C11orf54: variants seen among roughly 807,000 people sequenced by gnomAD.
The protein encoded by C11orf54 is beta-keto L-gulonate decarboxylase.
C11orf54 carries 29 observed loss-of-function variants against 35.5 expected under a neutral mutation model. The observed-to-expected ratio is 0.82, with a 90% CI of 0.61 to 1.11. The LOEUF is 1.11. C11orf54 is among the 50% of genes most tolerant of loss of function. The pLI is 0.00. For synonymous variants in C11orf54, 108 were observed against 121.1 expected (o/e 0.89, Z 0.71); for missense variants, 373 against 369.2 (o/e 1.01, Z -0.08).
Position 93,759,863 on chromosome 11 carries a change from G to GTCTGTGTC in C11orf54, c.774+7_774+14dup. 1 of 1,502,866 alleles carries GTCTGTGTC rather than the reference G, an allele frequency of 6.7e-7. No homozygotes were observed. The highest frequency in any genetic ancestry group is 1.4e-5 in the African/African-American group (1 of 72,354). The allele number at this position is 1,502,866 out of a possible 1,614,324, so 93.1% of individuals were successfully genotyped here. Reference sequence around the variant, plus strand: ...GTTTTTGTCTCCAGAGACCCAGTAAGTCTGTGTCTGTTTTTTATATTATAC... The same window carrying GTCTGTGTC: ...GTTTTTGTCTCCAGAGACCCAGTAAGTCTGTGTCTCTGTGTCTGTTTTTTATATTATAC... On this transcript the variant is annotated splice_donor_region_variant and intron_variant, in intron 8 of 8. Coordinates refer to ENST00000354421, the MANE Select transcript of C11orf54 (RefSeq NM_001286069.2).
At chr11:93,753,242 G>A (rs1444570567) in intron 3 of C11orf54, among the ~76,000 whole-genome samples, 2 of 152,178 alleles carry the variant, frequency 1.3e-5, no homozygotes, top group Non-Finnish European at 2.9e-5. Flanking sequence ...CTCCCAAAGT[G>A]CTGGGATTGC....
At chr11:93,749,745 C>G (rs1199143809) in intron 2 of C11orf54, among the ~76,000 whole-genome samples, 1 of 152,168 alleles carries the variant, frequency 6.6e-6, no homozygotes, top group South Asian at 2.1e-4. Context: ...TGAGGTATAA[C>G]TATCTACAGT....
At chr11:93,759,659 T>A (rs970040035) in intron 7 of C11orf54, 83 bp from the exon 8 acceptor site, 1 of 612,034 alleles carries the variant, frequency 1.6e-6, no homozygotes, top group African/African-American at 1.9e-5. Flanking sequence ...ACAATAATAA[T>A]AAATAAGTAA....
At position 93,760,574 on chromosome 11, in the gene C11orf54, T is replaced by G. The variant is rs151173169; in HGVS notation, c.774+716T>G. ...AGGTCTCCTGTCATCTTGTTTGGTG[T>G]TCATTATATTATAATACTATACGCT... is the stretch of plus-strand genomic sequence containing the variant. On this transcript the variant is annotated intron_variant, in intron 8 of 8. Transcript: ENST00000354421. 1.6e-4 allele frequency among the ~76,000 whole-genome samples: 25 copies of G among 152,270 alleles called. No homozygotes were observed. In the East Asian group the frequency reaches 4.8e-3, roughly 29 times the overall value.
intron 3 of C11orf54, among the ~76,000 whole-genome samples, chr11:93,751,754 A>T (rs981033419): frequency 6.6e-6 from 1 of 151,814 alleles, no homozygotes; most frequent in Non-Finnish European, 1.5e-5. Flanking sequence ...CTAATTAAGT[A>T]ATTAACTAAA....
chr11:93,743,088 C>A (rs1312923673), intron 1 of C11orf54, among the ~76,000 whole-genome samples: 1 of 150,674 alleles, frequency 6.6e-6, no homozygotes, highest in Non-Finnish European at 1.5e-5. Context: ...GCAACCCCCA[C>A]CTCCCGGGCT....
chr11:93,761,645 G>A lies in C11orf54; in HGVS notation c.905G>A (p.Arg302His), dbSNP rs148498341. ...GYFLPAEFLY[R>H]IDQPKETHSI... is the part of the protein sequence containing the mutation. ...TTCTTACCTGCAGAGTTTCTCTATC[G>A]CATTGATCAACCAAAAGAGACGCAT... The change falls in exon 9 of 9, where the codon CGC (arginine) becomes CAC (histidine). Residue 302 changes from arginine to histidine, a missense_variant. Physicochemically the swap from Arg to His is conservative, Grantham distance 29 (BLOSUM62 0). Transcript: ENST00000354421. 1.1e-4 allele frequency: 170 copies of A among 1,611,122 alleles called. No individual in the cohort carries two copies. The highest frequency in any genetic ancestry group is 9.5e-4 in the South Asian group (86 of 90,520).
intron 1 of C11orf54, among the ~76,000 whole-genome samples, chr11:93,745,486 G>A (rs1270253508): frequency 6.6e-6 from 1 of 152,126 alleles, no homozygotes; most frequent in African/African-American, 2.4e-5. Flanking sequence ...CTTAAACCTT[G>A]ATTCAATACA....
At chr11:93,748,265 A>T (rs1449803221) in intron 2 of C11orf54, among the ~76,000 whole-genome samples, 1 of 150,592 alleles carries the variant, frequency 6.6e-6, no homozygotes, top group Non-Finnish European at 1.5e-5. Context: ...TTTCTTTTTC[A>T]TCAGTCTGTC....
chr11:93,753,562 T>C, intron 3 of C11orf54, 120 bp from the exon 4 acceptor site: 1 of 818,280 alleles, frequency 1.2e-6, no homozygotes, highest in African/African-American at 1.7e-5. Context: ...TTCCAATCCC[T>C]GTTATTTGTA....
intron 7 of C11orf54, 73 bp downstream of exon 7, chr11:93,757,538 T>TC: frequency 6.8e-7 from 1 of 1,479,088 alleles, no homozygotes; most frequent in Non-Finnish European, 9.0e-7. Context: ...TTAGGATTTT[T>TC]TTTTTTTTTT....
intron 1 of C11orf54, chr11:93,742,990 ATTTTTTC>A (rs1366438464): frequency 2.6e-5 from 4 of 151,792 alleles, no homozygotes; most frequent in African/African-American, 7.3e-5. Flanking sequence ...TTCATTTTGT[ATTTTTTC>A]TTTTTTCTTT....
At chr11:93,756,153 CAAG>C (rs1943132925) in intron 6 of C11orf54, among the ~76,000 whole-genome samples, 1 of 97,092 alleles carries the variant, frequency 1.0e-5, no homozygotes, top group East Asian at 3.0e-4. Flanking sequence ...GGCAACAAAG[CAAG>C]ACTCTGTCTC....
Position 93,754,346 on chromosome 11 carries a change from A to C in C11orf54, c.330+309A>C, listed in dbSNP as rs1009295973. On this transcript the variant is annotated intron_variant, in intron 5 of 8. Transcript: ENST00000354421. Reference sequence around the variant, plus strand: ...TTCTTACAGGATTCCGAGCTTATCTATAAATCTTTGCTTTGGGTATGCAGG... The same window carrying C: ...TTCTTACAGGATTCCGAGCTTATCTCTAAATCTTTGCTTTGGGTATGCAGG... Among the ~76,000 whole-genome samples the C allele has an allele frequency of 7.2e-5, 11 of 152,334 alleles. No individual in the cohort carries two copies. The East Asian group carries it at 2.1e-3, about 29-fold the overall frequency.
chr11:93,759,377 C>A (rs1465044302), intron 7 of C11orf54, among the ~76,000 whole-genome samples: 1 of 152,134 alleles, frequency 6.6e-6, no homozygotes, highest in Non-Finnish European at 1.5e-5. Flanking sequence ...CCATCATTCT[C>A]AGCAAACTAT....
intron 3 of C11orf54, 71 bp downstream of exon 3, chr11:93,750,515 G>T: frequency 8.3e-7 from 1 of 1,204,888 alleles, no homozygotes; most frequent in South Asian, 1.3e-5. Flanking sequence ...TTATTTTTAA[G>T]GACATCTTAA....
At chr11:93,755,473 G>T in intron 6 of C11orf54, 87 bp downstream of exon 6, 1 of 1,452,404 alleles carries the variant, frequency 6.9e-7, no homozygotes. Context: ...ATATGGTTTT[G>T]CTAAGAAAAT....
chr11:93,753,896 A>G lies in C11orf54; in HGVS notation c.229-40A>G, dbSNP rs753087327. The stretch of plus-strand genomic sequence containing the variant: ...ATAAAAGGTAAACCAGGGACTTTGT[A>G]CAAGTTGTGACTTAAATAATATTTT... On this transcript the variant is annotated intron_variant, in intron 4 of 8. Transcript: ENST00000354421. 9 of 1,588,438 alleles carry G rather than the reference A, an allele frequency of 5.7e-6. No individual in the cohort carries two copies. In the Admixed American group the frequency reaches 1.2e-4, roughly 21 times the overall value.
At chr11:93,753,780 C>A in intron 4 of C11orf54, 25 bp downstream of exon 4, 1 of 1,605,334 alleles carries the variant, frequency 6.2e-7, no homozygotes, top group Non-Finnish European at 8.5e-7. Flanking sequence ...TCTGCATATT[C>A]ACATGAAGAT....
Sources: allele counts gnomAD v4.1 joint callset (sites outside exome capture counted in the v4.1 genomes callset), GRCh38; gene constraint gnomAD v4.1.1; transcripts MANE v1.5; gene names NCBI Gene and HGNC (gene_info 2026-07-23, HGNC 2026-07-21).